Variants in AVPR2 observed in about 807,000 individuals in gnomAD.
AVPR2 encodes the protein vasopressin V2 receptor.
A neutral mutation model predicts 12.0 loss-of-function variants in AVPR2; 3 were observed. The observed-to-expected ratio is 0.25, with a 90% confidence interval of 0.11 to 0.64. The LOEUF is 0.64. Among genes scored for constraint, AVPR2 ranks in the 30% least tolerant of loss-of-function variants. The probability of loss-of-function intolerance (pLI) is 0.84; values close to 1 mark genes in which losing one functional copy is unlikely to be tolerated. For missense variants in AVPR2, 279 were observed against 347.9 expected (o/e 0.80, Z 1.58); for synonymous variants, 143 against 147.5 (o/e 0.97, Z 0.22).
Position 153,906,274 on chromosome X carries a change from C to A in AVPR2, c.768C>A (p.Pro256=). Residue 256 remains proline, a synonymous_variant, in exon 3 of 4, where the codon CCC becomes CCA. Transcript: ENST00000646375. Reference sequence around the variant, plus strand: ...GCAGGGGACGCCGGACAGGCAGCCCCGGTGAGGGAGCCCACGTGTCAGCAG... The same window carrying A: ...GCAGGGGACGCCGGACAGGCAGCCCAGGTGAGGGAGCCCACGTGTCAGCAG... ...GRRRGRRTGS[P]GEGAHVSAAV... 8.2e-7 allele frequency: 1 copy of A among 1,212,239 alleles called. No individual in the cohort carries two copies. Among genetic ancestry groups the A allele is most frequent in the South Asian group, 1.8e-5 (1 of 57,034 alleles).
chrX:153,906,851 C>T lies in AVPR2; in HGVS notation c.*123C>T, dbSNP rs1009194381. 1 of 750,344 alleles carries T rather than the reference C, an allele frequency of 1.3e-6. No homozygotes were observed. Among genetic ancestry groups the T allele is most frequent in the South Asian group, 2.3e-5 (1 of 43,670 alleles). The allele number at this position is 750,344 out of a possible 1,213,427, so 61.8% of individuals were successfully genotyped here. ...TTGGCCAGAGCCTGTGGCCCCGAGG[C>T]TGGGACACTGTGTGGCCCTGGACAA... On this transcript the variant is annotated 3_prime_UTR_variant, in exon 4 of 4. Coordinates refer to ENST00000646375, the MANE Select transcript of AVPR2 (RefSeq NM_000054.7).
chrX:153,905,601 G>A lies in AVPR2; in HGVS notation c.95G>A (p.Arg32Gln), dbSNP rs1228462503. The change falls in exon 3 of 4, where the codon CGG becomes CAG. Residue 32 changes from arginine to glutamine, a missense_variant. Physicochemically the swap from Arg to Gln is conservative, Grantham distance 43. Coordinates refer to ENST00000646375, the MANE Select transcript of AVPR2 (RefSeq NM_000054.7). ...AGCCAGGAGAGGCCACTGGACACCC[G>A]GGACCCGCTGCTAGCCCGGGCGGAG... is the stretch of plus-strand genomic sequence containing the variant. ...NSSQERPLDT[R>Q]DPLLARAELA... The A allele has an allele frequency of 1.7e-6, 2 of 1,207,763 alleles. No homozygotes were observed. Among genetic ancestry groups the A allele is most frequent in the Non-Finnish European group, 1.1e-6 (1 of 893,768 alleles).
rs1557101111 is a variant in AVPR2, at chrX:153,906,657, C to G, written c.1045C>G (p.Pro349Ala). 9.1e-6 allele frequency: 11 copies of G among 1,210,518 alleles called. No homozygotes were observed. Among genetic ancestry groups the G allele is most frequent in the Non-Finnish European group, 1.2e-5 (11 of 894,230 alleles). ...LLCCARGRTP[P>A]SLGPQDESCT... ...CTGCTGTGCCCGGGGACGCACCCCA[C>G]CCAGCCTGGGTCCCCAAGATGAGTC... Residue 349 changes from proline to alanine, a missense_variant, in exon 4 of 4, where the codon CCC becomes GCC. Coordinates refer to ENST00000646375, the MANE Select transcript of AVPR2 (RefSeq NM_000054.7).
At chrX:153,905,267 G>A in intron 2 of AVPR2, 97 bp downstream of exon 2, 1 of 1,135,491 alleles carries the variant, frequency 8.8e-7, no homozygotes. Context: ...TCACCTCTGG[G>A]TGTGTCTCTC....
intron 2 of AVPR2, 60 bp downstream of exon 2, chrX:153,905,230 C>T (rs367725840): frequency 8.4e-5 from 101 of 1,196,084 alleles, no homozygotes; most frequent in Non-Finnish European, 1.1e-4. Flanking sequence ...TCAGGGAAGC[C>T]CCTCTTTCTA....
At chrX:153,903,518 G>A (rs1557099838), upstream of AVPR2, among the ~76,000 whole-genome samples, 1 of 112,052 alleles carries the variant, frequency 8.9e-6, no homozygotes, top group Non-Finnish European at 1.9e-5. Flanking sequence ...TGTGTGCATG[G>A]TGTGGTGTGT....
rs781915907 is a variant in AVPR2 at position 153,906,740 on chromosome X, G to A, written c.*12G>A. ...ACACTTCATCGTGAGGAGCTGTTGG[G>A]TGTCTTGCCTCTAGAGGCTTTGAGA... On this transcript the variant is annotated 3_prime_UTR_variant, in exon 4 of 4. Coordinates refer to ENST00000646375, the MANE Select transcript of AVPR2 (RefSeq NM_000054.7). 2.5e-6 allele frequency: 3 copies of A among 1,201,023 alleles called. No homozygotes were observed. Among genetic ancestry groups the A allele is most frequent in the Admixed American group, 2.2e-5 (1 of 45,636 alleles).
chrX:153,902,827 G>A (rs1396785771), upstream of AVPR2: 3 of 318,701 alleles, frequency 9.4e-6, no homozygotes, highest in Non-Finnish European at 1.9e-5. Context: ...GCTGAGATCC[G>A]GCACTGCACA....
In AVPR2 at chrX:153,906,786, G is replaced by A; in HGVS notation, c.*58G>A. On this transcript the variant is annotated 3_prime_UTR_variant, in exon 4 of 4. Transcript: ENST00000646375. ...TGAGAAGCTCAGCTGCCTTCCTGGG[G>A]CTGGTCCTGGGAGCCACTGGGAGGG... 9.0e-7 allele frequency: 1 copy of A among 1,109,579 alleles called. No homozygotes were observed. The highest frequency in any genetic ancestry group is 1.8e-5 in the African/African-American group (1 of 54,707). The allele number at this position is 1,109,579 out of a possible 1,213,427, so 91.4% of individuals were successfully genotyped here.
Position 153,906,925 on chromosome X carries a change from C to T in AVPR2, c.*197C>T, listed in dbSNP as rs1033495355. On this transcript the variant is annotated 3_prime_UTR_variant, in exon 4 of 4. Coordinates refer to ENST00000646375, the MANE Select transcript of AVPR2 (RefSeq NM_000054.7). ...CACATCCCCAGCTGTATGAGGAGAG[C>T]TTCAGGCCCCAGGACTGTGGGGGCC... is the stretch of plus-strand genomic sequence containing the variant. 6 of 517,779 alleles carry T rather than the reference C, an allele frequency of 1.2e-5. No homozygotes were observed. The East Asian group carries it at 1.5e-4, about 13-fold the overall frequency. 42.7% of individuals were successfully genotyped at this position (517,779 alleles called of 1,213,427 possible). A position where few individuals can be genotyped will look rare whatever the true frequency, so the allele number is the denominator to read the frequency against.
At position 153,905,023 on chromosome X, in the gene AVPR2, C is replaced by T. The variant is rs782584868; in HGVS notation, c.-123C>T. 4 of 1,008,787 alleles carry T rather than the reference C, an allele frequency of 4.0e-6. No individual in the cohort carries two copies. Among genetic ancestry groups the T allele is most frequent in the Non-Finnish European group, 2.8e-6 (2 of 711,193 alleles). The allele number at this position is 1,008,787 out of a possible 1,213,427, so 83.1% of individuals were successfully genotyped here. On this transcript the variant is annotated 5_prime_UTR_variant, in exon 2 of 4. Coordinates refer to ENST00000646375, the MANE Select transcript of AVPR2 (RefSeq NM_000054.7). Reference sequence around the variant, plus strand: ...GTGCACACACGCCAACAGGCATCTGCCATGCTGGCATCTCTATAAGGGCTC... The same window carrying T: ...GTGCACACACGCCAACAGGCATCTGTCATGCTGGCATCTCTATAAGGGCTC...
Position 153,905,772 on chromosome X carries a change from C to T in AVPR2, c.266C>T (p.Ala89Val). 8.3e-7 allele frequency: 1 copy of T among 1,209,248 alleles called. No individual in the cohort carries two copies. Among genetic ancestry groups the T allele is most frequent in the Non-Finnish European group, 1.1e-6 (1 of 895,655 alleles). ...GHLCLADLAV[A>V]LFQVLPQLAW... is the part of the protein sequence containing the mutation. ...TTGTGCCTGGCCGACCTGGCCGTGGCTCTGTTCCAAGTGCTGCCCCAGCTG... is the reference window on the plus strand; with the variant it reads ...TTGTGCCTGGCCGACCTGGCCGTGGTTCTGTTCCAAGTGCTGCCCCAGCTG... Residue 89 changes from alanine to valine, a missense_variant, in exon 3 of 4, where the codon GCT becomes GTT. Transcript: ENST00000646375.
intron 2 of AVPR2, 79 bp from the exon 3 acceptor site, chrX:153,905,453 A>G (rs1465472512): frequency 3.8e-6 from 4 of 1,040,432 alleles, no homozygotes; most frequent in Non-Finnish European, 3.9e-6. Flanking sequence ...GGGTGTCCGG[A>G]TGGGGGCACG....
chrX:153,904,026 T>A (rs762655), upstream of AVPR2, among the ~76,000 whole-genome samples: 1 of 109,829 alleles, frequency 9.1e-6, no homozygotes, highest in African/African-American at 3.3e-5. Flanking sequence ...GTCTCTGTGT[T>A]GTGTGTTTGT....
At chrX:153,904,006 A>G (rs1557099941), upstream of AVPR2, among the ~76,000 whole-genome samples, 1 of 110,893 alleles carries the variant, frequency 9.0e-6, no homozygotes, top group Non-Finnish European at 1.9e-5. Context: ...GTTCAAGAAC[A>G]TGAGCGAGCG....
At position 153,907,085 on chromosome X, in the gene AVPR2, C is replaced by T. The variant is rs1557101323; in HGVS notation, c.*357C>T. Reference sequence around the variant, plus strand: ...CTGAAAAGGAAGGACCAGGCTGGGGCCAGGGGACCTTCCTGTCTCCGCCTT... The same window carrying T: ...CTGAAAAGGAAGGACCAGGCTGGGGTCAGGGGACCTTCCTGTCTCCGCCTT... On this transcript the variant is annotated 3_prime_UTR_variant, in exon 4 of 4. Coordinates refer to ENST00000646375, the MANE Select transcript of AVPR2 (RefSeq NM_000054.7). 4.9e-6 allele frequency: 2 copies of T among 407,881 alleles called. No homozygotes were observed. Among genetic ancestry groups the T allele is most frequent in the African/African-American group, 4.9e-5 (2 of 40,904 alleles). The allele number at this position is 407,881 out of a possible 1,213,427, so 33.6% of individuals were successfully genotyped here.
intron 1 of AVPR2, 28 bp from the exon 2 acceptor site, chrX:153,904,946 A>C (rs1569545488): frequency 1.9e-6 from 1 of 539,967 alleles, no homozygotes; most frequent in Non-Finnish European, 3.2e-6. Context: ...CGTCTGTCTG[A>C]CCATCCCTCT....
rs782606450 is a variant in AVPR2, at chrX:153,905,144, C to A, written c.-2C>A. The A allele has an allele frequency of 8.3e-7, 1 of 1,210,941 alleles. No individual in the cohort carries two copies. The highest frequency in any genetic ancestry group is 1.7e-5 in the African/African-American group (1 of 57,504). ...CCTCAGAACACCTGCCCCAGCCCCA[C>A]CATGCTCATGGCGTCCACCACTTCC... On this transcript the variant is annotated 5_prime_UTR_variant, in exon 2 of 4. Coordinates refer to ENST00000646375, the MANE Select transcript of AVPR2 (RefSeq NM_000054.7).
upstream of AVPR2, among the ~76,000 whole-genome samples, chrX:153,903,726 G>A (rs902806929): frequency 1.7e-4 from 18 of 107,410 alleles, no homozygotes; most frequent in Non-Finnish European, 2.5e-4. Flanking sequence ...GCCGCGGGCC[G>A]GACTTGGGCC....
Sources: allele counts gnomAD v4.1 joint callset (sites outside exome capture counted in the v4.1 genomes callset), GRCh38; gene constraint gnomAD v4.1.1; transcripts MANE v1.5; gene names NCBI Gene and HGNC (gene_info 2026-07-23, HGNC 2026-07-21).